PATJ: variants seen among roughly 807,000 people sequenced by gnomAD.
PATJ encodes the protein inaD-like protein.
PATJ carries 190 observed loss-of-function variants against 224.9 expected under a neutral mutation model. That is an observed-to-expected ratio of 0.84 (90% CI 0.75 to 0.95). The LOEUF is 0.95. PATJ is among the 40% of genes least tolerant of loss of function. PATJ has a pLI of 0.00. For missense variants in PATJ, 2,121 were observed against 2,270.3 expected (o/e 0.93, Z 1.34); for synonymous variants, 769 against 820.3 (o/e 0.94, Z 1.07).
intron 41 of PATJ, among the ~76,000 whole-genome samples, chr1:62,142,835 G>C (rs550233644): frequency 1.4e-4 from 21 of 152,282 alleles, no homozygotes; most frequent in South Asian, 6.2e-4. Flanking sequence ...AGAGAGACAG[G>C]ATTAGAGGAG....
At chr1:61,914,493 A>AAAATTCTCCATTGTGGAATGTC in intron 25 of PATJ, 94 bp from the exon 26 acceptor site, 1 of 590,836 alleles carries the variant, frequency 1.7e-6, no homozygotes, top group Non-Finnish European at 3.0e-6. Context: ...TGATTGAAAA[A>AAAATTCTCCATTGTGGAATGTC]AAATTCTCCA....
chr1:61,816,739 G>C lies in PATJ; in HGVS notation c.1684-6206G>C, dbSNP rs191177418. Among the ~76,000 whole-genome samples the C allele has an allele frequency of 7.2e-5, 11 of 152,224 alleles. No individual in the cohort carries two copies. In the East Asian group the frequency reaches 2.1e-3, roughly 29 times the overall value. Reference sequence around the variant, plus strand: ...ATCCACAGAAGCAATGCTGTTATCAGTTCTCCAGGATGTAATTTTATACTT... The same window carrying C: ...ATCCACAGAAGCAATGCTGTTATCACTTCTCCAGGATGTAATTTTATACTT... On this transcript the variant is annotated intron_variant, in intron 14 of 43. Transcript: ENST00000642238.
At chr1:61,934,881 T>A (rs1313334982) in intron 27 of PATJ, among the ~76,000 whole-genome samples, 1 of 152,182 alleles carries the variant, frequency 6.6e-6, no homozygotes, top group African/African-American at 2.4e-5. Flanking sequence ...AGATACTCTT[T>A]CTGCCGAACC....
chr1:61,995,464 T>A (rs1235456295), intron 28 of PATJ, among the ~76,000 whole-genome samples: 3 of 152,172 alleles, frequency 2.0e-5, no homozygotes, highest in Non-Finnish European at 4.4e-5. Flanking sequence ...AGGTTGAGCA[T>A]ACATTGTGGC....
chr1:61,980,623 A>G (rs142317302), intron 27 of PATJ, among the ~76,000 whole-genome samples: 12 of 152,090 alleles, frequency 7.9e-5, no homozygotes. Context: ...TGAAATTGAA[A>G]TTAGTAAATT....
intron 41 of PATJ, among the ~76,000 whole-genome samples, chr1:62,143,453 T>TATTTTA (rs1367587691): frequency 3.0e-5 from 4 of 134,246 alleles, no homozygotes; most frequent in African/African-American, 8.5e-5. Context: ...TTTTTTTTTT[T>TATTTTA]TTTTTTTTTT....
chr1:62,125,047 G>C (rs1665527847), intron 39 of PATJ, among the ~76,000 whole-genome samples: 1 of 151,838 alleles, frequency 6.6e-6, no homozygotes, highest in Non-Finnish European at 1.5e-5. Flanking sequence ...GCAACATGGG[G>C]AAACTCCGTC....
At chr1:62,087,077 G>A (rs1414154969) in intron 33 of PATJ, among the ~76,000 whole-genome samples, 1 of 152,114 alleles carries the variant, frequency 6.6e-6, no homozygotes, top group Non-Finnish European at 1.5e-5. Flanking sequence ...TTGGGTACCC[G>A]CACTCGGTGA....
At chr1:62,025,144 C>T (rs1261304234) in intron 29 of PATJ, among the ~76,000 whole-genome samples, 5 of 152,200 alleles carry the variant, frequency 3.3e-5, no homozygotes, top group Non-Finnish European at 7.3e-5. Flanking sequence ...GAACAAATTA[C>T]GAGCAACCAG....
intron 41 of PATJ, among the ~76,000 whole-genome samples, chr1:62,143,069 G>A (rs961457773): frequency 6.6e-6 from 1 of 152,148 alleles, no homozygotes; most frequent in Non-Finnish European, 1.5e-5. Context: ...CCTGTAGATG[G>A]AAAGTAAAGT....
At chr1:61,978,223 T>TCCTTCCTC (rs1456349080) in intron 27 of PATJ, among the ~76,000 whole-genome samples, 34 of 101,286 alleles carry the variant, frequency 3.4e-4, no homozygotes, top group African/African-American at 1.1e-3. Context: ...CTTCCTTCCT[T>TCCTTCCTC]CCTCCCTCCC....
intron 20 of PATJ, among the ~76,000 whole-genome samples, chr1:61,871,459 A>ATATATATATATATACATATATATGCG (rs1666481910): frequency 7.1e-5 from 4 of 56,002 alleles, no homozygotes; most frequent in African/African-American, 3.1e-4. Context: ...ATATATGCGT[A>ATATATATATATATACATATATATGCG]TATATATGTA....
chr1:61,821,284 A>G (rs2148713487), intron 14 of PATJ, among the ~76,000 whole-genome samples: 1 of 152,034 alleles, frequency 6.6e-6, no homozygotes, highest in Middle Eastern at 3.4e-3. Context: ...TGACCTTGTG[A>G]TCCTCCCGCT....
At chr1:62,040,657 G>A (rs4316389) in intron 30 of PATJ, among the ~76,000 whole-genome samples, 89,211 of 151,890 alleles carry the variant, frequency 0.59, 26,870 homozygotes, top group African/African-American at 0.71. Flanking sequence ...GGCTGGAAGC[G>A]TCTTAGAAGC....
Position 62,128,027 on chromosome 1 carries a change from G to A in PATJ, c.5099G>A (p.Gly1700Glu). Residue 1700 changes from glycine (G) to glutamate (E), a missense_variant, in exon 40 of 44, where the codon GGA (glycine) becomes GAA (glutamate). Gly to Glu is a moderately conservative substitution (Grantham distance 98, BLOSUM62 -2). Transcript: ENST00000642238. ...GCTGGAGGAAGAGGAAGTCCCTTAG[G>A]AGATATCCCCGTATTTATTGCCATG... is the stretch of plus-strand genomic sequence containing the variant. ...SIAGGRGSPL[G>E]DIPVFIAMIQ... 3 of 1,614,120 alleles carry A rather than the reference G, an allele frequency of 1.9e-6. No individual in the cohort carries two copies. The highest frequency in any genetic ancestry group is 2.5e-6 in the Non-Finnish European group (3 of 1,179,984).
chr1:61,857,849 T>C (rs1471680776), intron 18 of PATJ, among the ~76,000 whole-genome samples: 2 of 152,222 alleles, frequency 1.3e-5, no homozygotes, highest in African/African-American at 2.4e-5. Context: ...ACCACTTCTC[T>C]AAGCCTATTT....
Position 62,101,579 on chromosome 1 carries a change from T to C in PATJ, c.4378-6858T>C, listed in dbSNP as rs1010482160. 2.4e-4 allele frequency among the ~76,000 whole-genome samples: 36 copies of C among 152,204 alleles called. 1 individual carries two copies. The highest frequency in any genetic ancestry group is 1.5e-5 in the Non-Finnish European group (1 of 68,034). On this transcript the variant is annotated intron_variant, in intron 33 of 43. Transcript: ENST00000642238. ...TGCCCAGCCTAAAGATAGTAGTTTCTTAAGCAACATGATGAATTTGCTAGC... is the reference window on the plus strand; with the variant it reads ...TGCCCAGCCTAAAGATAGTAGTTTCCTAAGCAACATGATGAATTTGCTAGC...
chr1:61,908,319 G>T, intron 24 of PATJ, 53 bp from the exon 25 acceptor site: 1 of 1,194,608 alleles, frequency 8.4e-7, no homozygotes, highest in Non-Finnish European at 1.2e-6. Flanking sequence ...GAATTAACCT[G>T]TCCACAATAT....
chr1:61,856,975 T>C (rs1487137946), intron 18 of PATJ, among the ~76,000 whole-genome samples: 2 of 152,202 alleles, frequency 1.3e-5, no homozygotes, highest in Non-Finnish European at 2.9e-5. Flanking sequence ...GTTGAAATCC[T>C]TGCAGCTATA....
Sources: gnomAD v4.1 joint callset for allele counts (sites outside exome capture counted in the v4.1 genomes callset) on GRCh38, gnomAD v4.1.1 for gene constraint, MANE v1.5 for transcripts, NCBI Gene and HGNC (gene_info 2026-07-23, HGNC 2026-07-21) for gene names.